Variants in DAB1 observed in about 807,000 individuals in gnomAD.
The protein encoded by DAB1 is DAB adaptor protein 1.
DAB1 carries 15 observed loss-of-function variants against 64.6 expected under a neutral mutation model. That is an observed-to-expected ratio of 0.23 (90% CI 0.16 to 0.36). The LOEUF (loss-of-function observed/expected upper bound fraction) is 0.36, where lower values mean the gene tolerates loss of function less well. DAB1 is among the 10% of genes least tolerant of loss of function. DAB1 has a pLI of 1.00. For missense variants in DAB1, 596 were observed against 706.7 expected, an observed-to-expected ratio of 0.84 and a Z score of 1.78; for synonymous variants, 235 against 251.9, an observed-to-expected ratio of 0.93 and a Z score of 0.64.
At position 57,161,185 on chromosome 1, in the gene DAB1, G is replaced by A. The variant is rs145184293; in HGVS notation, c.68-15756C>T. Among the ~76,000 whole-genome samples, 528 of 152,262 alleles carry A rather than the reference G, an allele frequency of 3.5e-3. 2 individuals are homozygous for A. The highest frequency in any genetic ancestry group is 0.012 in the African/African-American group (510 of 41,548). On this transcript the variant is annotated intron_variant, in intron 2 of 14. Coordinates refer to ENST00000371236, the MANE Select transcript of DAB1 (RefSeq NM_001365792.1). ...GAGAGTCTGAAAGAGTCTTGATATG[G>A]AGAGACAAGCCAGAAAGTTCGTGCA...
intron 7 of DAB1, among the ~76,000 whole-genome samples, chr1:57,569,293 T>C (rs1645164784): frequency 6.9e-6 from 1 of 144,504 alleles, no homozygotes; most frequent in South Asian, 2.3e-4. Flanking sequence ...CACACGTATG[T>C]TTATTGTGGC....
chr1:58,360,903 G>T (rs1347016958), intron 3 of DAB1, among the ~76,000 whole-genome samples: 1 of 152,054 alleles, frequency 6.6e-6, no homozygotes, highest in African/African-American at 2.4e-5. Context: ...TACAAAATTA[G>T]AATTATTCTA....
chr1:57,096,126 T>C (rs909078755), intron 4 of DAB1, among the ~76,000 whole-genome samples: 1 of 152,178 alleles, frequency 6.6e-6, no homozygotes, highest in Non-Finnish European at 1.5e-5. Flanking sequence ...AGTTAACTGA[T>C]AGGGAAATCG....
chr1:57,537,730 C>G (rs970860940), intron 7 of DAB1, among the ~76,000 whole-genome samples: 1 of 152,208 alleles, frequency 6.6e-6, no homozygotes, highest in African/African-American at 2.4e-5. Flanking sequence ...CAAATCTCTT[C>G]TTCCTAACAA....
intron 2 of DAB1, among the ~76,000 whole-genome samples, chr1:58,519,239 T>G (rs1490783828): frequency 6.6e-6 from 1 of 152,194 alleles, no homozygotes. Flanking sequence ...GTTTACTTGT[T>G]TTTTATTTTT....
intron 2 of DAB1, among the ~76,000 whole-genome samples, chr1:57,148,814 C>A (rs1659389456): frequency 6.6e-6 from 1 of 152,222 alleles, no homozygotes; most frequent in Admixed American, 6.5e-5. Flanking sequence ...AAGTCCACAG[C>A]ATAACCTGAA....
At chr1:57,442,563 T>C (rs1028649960) in intron 7 of DAB1, among the ~76,000 whole-genome samples, 2 of 152,202 alleles carry the variant, frequency 1.3e-5, no homozygotes, top group Non-Finnish European at 2.9e-5. Context: ...TCACTAATCA[T>C]AAAATTTCCT....
At chr1:58,455,710 T>C (rs1403385778) in intron 3 of DAB1, among the ~76,000 whole-genome samples, 2 of 152,228 alleles carry the variant, frequency 1.3e-5, no homozygotes. Flanking sequence ...TCCCTCCCAA[T>C]TGCCTTTCCT....
chr1:57,678,646 C>T (rs895852090), intron 6 of DAB1, among the ~76,000 whole-genome samples: 4 of 151,662 alleles, frequency 2.6e-5, no homozygotes, highest in Admixed American at 6.6e-5. Context: ...AAAACAGAAG[C>T]AATAAAGTAG....
rs1645237507 is a variant in DAB1 at position 57,949,511 on chromosome 1, A to ATC, written n.388-65351_388-65350dup. Reference sequence around the variant, plus strand: ...TCTATCTATCTATCTATCTATCTATATCTGTCTGTCTGTCTGTCTGTCTAT... The same window carrying ATC: ...TCTATCTATCTATCTATCTATCTATATCTCTGTCTGTCTGTCTGTCTGTCTAT... On this transcript the variant is annotated intron_variant and non_coding_transcript_variant, in intron 5 of 20. Coordinates refer to the DAB1 transcript ENST00000485760. Among the ~76,000 whole-genome samples, 5 of 137,128 alleles carry ATC rather than the reference A, an allele frequency of 3.6e-5. No individual in the cohort carries two copies. The Admixed American group carries it at 3.9e-4, about 11-fold the overall frequency. 90.0% of individuals were successfully genotyped at this position (137,128 alleles called of 152,430 possible).
At chr1:57,403,022 G>C (rs1683369805) in intron 1 of DAB1, among the ~76,000 whole-genome samples, 1 of 152,122 alleles carries the variant, frequency 6.6e-6, no homozygotes, top group African/African-American at 2.4e-5. Context: ...TTATTCAACT[G>C]TTATAAACCT....
chr1:58,222,433 C>T (rs1659224867), intron 4 of DAB1, among the ~76,000 whole-genome samples: 1 of 152,208 alleles, frequency 6.6e-6, no homozygotes, highest in South Asian at 2.1e-4. Flanking sequence ...TGGGCACTAA[C>T]AATCCATCCC....
intron 6 of DAB1, among the ~76,000 whole-genome samples, chr1:57,724,267 AAAGGAAGG>A (rs1476730085): frequency 1.5e-5 from 2 of 130,184 alleles, no homozygotes; most frequent in African/African-American, 6.4e-5. Flanking sequence ...AGGGAGGGAA[AAAGGAAGG>A]AAGGAAGGAA....
chr1:57,236,284 A>G (rs1557997240), intron 2 of DAB1, among the ~76,000 whole-genome samples: 2 of 152,194 alleles, frequency 1.3e-5, no homozygotes, highest in African/African-American at 4.8e-5. Context: ...GGGGATTCAA[A>G]TGTGACTAAC....
At chr1:57,307,973 C>T (rs767738482) in intron 1 of DAB1, among the ~76,000 whole-genome samples, 1 of 152,136 alleles carries the variant, frequency 6.6e-6, no homozygotes, top group Non-Finnish European at 1.5e-5. Context: ...CACCTTTGCC[C>T]AGCCACCTGA....
At chr1:58,435,940 G>A (rs947280624) in intron 3 of DAB1, among the ~76,000 whole-genome samples, 3 of 152,234 alleles carry the variant, frequency 2.0e-5, no homozygotes, top group African/African-American at 7.2e-5. Context: ...CCATGGAGTA[G>A]AGGATCAGAT....
intron 5 of DAB1, among the ~76,000 whole-genome samples, chr1:58,067,019 T>A (rs989176258): frequency 2.6e-5 from 4 of 152,226 alleles, no homozygotes; most frequent in Non-Finnish European, 5.9e-5. Context: ...TGCTGTTCTC[T>A]TCACCTGGAG....
In DAB1 at chr1:57,958,145, C is replaced by T. The variant is rs1267570888; in HGVS notation, n.388-73983G>A. ...GATTACAGGTGTCTGCCACCACGCTCTGCTAAATTTTTAGTAGAGACGGGG... is the reference window on the plus strand; with the variant it reads ...GATTACAGGTGTCTGCCACCACGCTTTGCTAAATTTTTAGTAGAGACGGGG... On this transcript the variant is annotated intron_variant and non_coding_transcript_variant, in intron 5 of 20. Coordinates refer to the DAB1 transcript ENST00000485760. Among the ~76,000 whole-genome samples, 3 of 152,032 alleles carry T rather than the reference C, an allele frequency of 2.0e-5. No individual in the cohort carries two copies. The East Asian group carries it at 5.8e-4, about 29-fold the overall frequency.
chr1:57,428,300 C>T (rs11207031), upstream of DAB1, among the ~76,000 whole-genome samples: 1 of 152,152 alleles, frequency 6.6e-6, no homozygotes, highest in East Asian at 1.9e-4. Flanking sequence ...TACCCTTTAA[C>T]CAAAATCCCC....
Sources: allele counts gnomAD v4.1 joint callset (sites outside exome capture counted in the v4.1 genomes callset), GRCh38; gene constraint gnomAD v4.1.1; transcripts MANE v1.5; gene names NCBI Gene and HGNC (gene_info 2026-07-23, HGNC 2026-07-21).